Variants in DYRK1A observed in about 807,000 individuals in gnomAD.
DYRK1A encodes dual specificity tyrosine phosphorylation regulated kinase 1A, also known as dual specificity tyrosine-phosphorylation-regulated kinase 1A.
In DYRK1A, 9 loss-of-function variants were observed where a neutral mutation model predicts 79.7. The observed-to-expected ratio is 0.11, with a 90% confidence interval of 0.07 to 0.20. DYRK1A has a LOEUF of 0.20. Among genes scored for constraint, DYRK1A ranks in the 10% least tolerant of loss-of-function variants. DYRK1A has a pLI of 1.00. For missense variants in DYRK1A, 622 were observed against 956.0 expected, an observed-to-expected ratio of 0.65 and a Z score of 4.61; for synonymous variants, 349 against 329.7, an observed-to-expected ratio of 1.06 and a Z score of -0.63.
intron 1 of DYRK1A, among the ~76,000 whole-genome samples, chr21:37,384,231 T>G (rs2049715580): frequency 6.6e-6 from 1 of 152,200 alleles, no homozygotes; most frequent in Non-Finnish European, 1.5e-5. Context: ...GGAGCTATAC[T>G]GAGAAAGAGT....
At chr21:37,461,965 C>G (rs1465634652) in intron 2 of DYRK1A, among the ~76,000 whole-genome samples, 1 of 150,562 alleles carries the variant, frequency 6.6e-6, no homozygotes, top group South Asian at 2.1e-4. Flanking sequence ...GCTATTAGGT[C>G]CGTTCAGTGA....
chr21:37,440,587 A>G (rs139465783), intron 2 of DYRK1A, among the ~76,000 whole-genome samples: 2,550 of 152,212 alleles, frequency 0.017, 37 homozygotes, highest in South Asian at 0.026. Flanking sequence ...TTTTATTTTC[A>G]TTCTTTTCAG....
Position 37,519,136 on chromosome 21 carries a change from GATGTCCC to G in DYRK1A, c.*6609_*6615del, listed in dbSNP as rs1256690664. The G allele has an allele frequency of 1.3e-5, 2 of 152,172 alleles. No homozygotes were observed. Among genetic ancestry groups the G allele is most frequent in the Non-Finnish European group, 2.9e-5 (2 of 68,026 alleles). The allele number at this position is 152,172 out of a possible 1,614,324, so 9.4% of individuals were successfully genotyped here. ...ACATCCTATTCATTAATAGCTCTCA[GATGTCCC>G]ATGAGAATGGCACATGTTATTTCCC... On this transcript the variant is annotated 3_prime_UTR_variant, in exon 12 of 12. Transcript: ENST00000647188.
intron 1 of DYRK1A, among the ~76,000 whole-genome samples, chr21:37,391,938 A>G (rs1426692619): frequency 6.6e-6 from 1 of 152,204 alleles, no homozygotes; most frequent in Non-Finnish European, 1.5e-5. Context: ...GATCCTCTAA[A>G]CTAGTAAAGC....
chr21:37,398,227 C>T (rs1264777275), intron 1 of DYRK1A, among the ~76,000 whole-genome samples: 1 of 151,026 alleles, frequency 6.6e-6, no homozygotes, highest in African/African-American at 2.4e-5. Flanking sequence ...ACCTGTAATC[C>T]TAGCTACTCT....
rs1343890630 is a variant in DYRK1A, at chr21:37,518,806, T to C, written c.*6275T>C. 1 of 150,462 alleles carries C rather than the reference T, an allele frequency of 6.6e-6. No homozygotes were observed. Among genetic ancestry groups the C allele is most frequent in the Non-Finnish European group, 1.5e-5 (1 of 67,650 alleles). The allele number at this position is 150,462 out of a possible 1,614,324, so 9.3% of individuals were successfully genotyped here. On this transcript the variant is annotated 3_prime_UTR_variant, in exon 12 of 12. Coordinates refer to ENST00000647188, the MANE Select transcript of DYRK1A (RefSeq NM_001347721.2). ...AATAGTATTTTTGATAGAGAGGGGG[T>C]TTCGCAATGTTGGCCAGGCTGGTCT...
chr21:37,520,670 C>T lies in DYRK1A; in HGVS notation c.*8139C>T, dbSNP rs935978036. 1 of 152,236 alleles carries T rather than the reference C, an allele frequency of 6.6e-6. No homozygotes were observed. Among genetic ancestry groups the T allele is most frequent in the Non-Finnish European group, 1.5e-5 (1 of 68,040 alleles). 9.4% of individuals were successfully genotyped at this position (152,236 alleles called of 1,614,324 possible). On this transcript the variant is annotated 3_prime_UTR_variant, in exon 12 of 12. Transcript: ENST00000647188. Reference sequence around the variant, plus strand: ...GACCTAATCATGGGATTTAACTGTTCACTTCAGGTAGATAAGATATTTCTG... The same window carrying T: ...GACCTAATCATGGGATTTAACTGTTTACTTCAGGTAGATAAGATATTTCTG...
chr21:37,515,291 G>A lies in DYRK1A; in HGVS notation c.*2760G>A, dbSNP rs2053866341. ...CTGGTAGGTATAGTATCAAAGTTGA[G>A]TTAAATGTGTAAAAAGGAAACTATT... On this transcript the variant is annotated 3_prime_UTR_variant, in exon 12 of 12. Transcript: ENST00000647188. 6.6e-6 allele frequency: 1 copy of A among 152,592 alleles called. No homozygotes were observed. Among genetic ancestry groups the A allele is most frequent in the Non-Finnish European group, 1.5e-5 (1 of 68,036 alleles). The allele number at this position is 152,592 out of a possible 1,614,324, so 9.5% of individuals were successfully genotyped here.
intron 2 of DYRK1A, among the ~76,000 whole-genome samples, chr21:37,452,669 A>G (rs2051493442): frequency 6.6e-6 from 1 of 151,108 alleles, no homozygotes; most frequent in South Asian, 2.1e-4. Context: ...AGGGAAGGGG[A>G]GCAGGGAGAG....
At position 37,525,903 on chromosome 21, in the gene DYRK1A, C is replaced by T. The variant is rs967523745; in HGVS notation, c.*13372C>T. 3 of 152,170 alleles carry T rather than the reference C, an allele frequency of 2.0e-5. No homozygotes were observed. The highest frequency in any genetic ancestry group is 6.5e-5 in the Admixed American group (1 of 15,272). The allele number at this position is 152,170 out of a possible 1,614,324, so 9.4% of individuals were successfully genotyped here. On this transcript the variant is annotated 3_prime_UTR_variant, in exon 12 of 12. Coordinates refer to ENST00000647188, the MANE Select transcript of DYRK1A (RefSeq NM_001347721.2). Reference sequence around the variant, plus strand: ...CTGAATGAGAACTGCCCCGAACCACCGTTACTAAACACTGAATAGTTTTGG... The same window carrying T: ...CTGAATGAGAACTGCCCCGAACCACTGTTACTAAACACTGAATAGTTTTGG...
chr21:37,387,437 C>A (rs115348099), intron 1 of DYRK1A, among the ~76,000 whole-genome samples: 1 of 152,144 alleles, frequency 6.6e-6, no homozygotes, highest in Non-Finnish European at 1.5e-5. Flanking sequence ...TTTCCATTCG[C>A]TTTGTTTTCT....
rs555751812 is a variant in DYRK1A at position 37,389,049 on chromosome 21, AT to A, written c.-77+21431del. Among the ~76,000 whole-genome samples the A allele has an allele frequency of 9.4e-4, 139 of 148,540 alleles. 2 individuals carry two copies. In the East Asian group the frequency reaches 0.017, roughly 19 times the overall value. The stretch of plus-strand genomic sequence containing the variant: ...AAAAGCTTTTAAATTAAAAAAAAAA[AT>A]TTTTTTTTTAAGAGATGGAGTCTTA... On this transcript the variant is annotated intron_variant, in intron 1 of 11. Transcript: ENST00000647188.
intron 11 of DYRK1A, among the ~76,000 whole-genome samples, chr21:37,507,331 C>G (rs142864348): frequency 6.6e-6 from 1 of 152,292 alleles, no homozygotes; most frequent in Non-Finnish European, 1.5e-5. Flanking sequence ...TCTTCACTCT[C>G]TCCTCTTTTG....
Position 37,483,277 on chromosome 21 carries a change from C to T in DYRK1A, c.489+2451C>T, listed in dbSNP as rs563918023. On this transcript the variant is annotated intron_variant, in intron 5 of 11. Coordinates refer to ENST00000647188, the MANE Select transcript of DYRK1A (RefSeq NM_001347721.2). Reference sequence around the variant, plus strand: ...ATCTTCACAATCCATGTTCTTCTGCCGTGGCTTCAGCTGGTCCCTCCGTTT... The same window carrying T: ...ATCTTCACAATCCATGTTCTTCTGCTGTGGCTTCAGCTGGTCCCTCCGTTT... Among the ~76,000 whole-genome samples, 24 of 152,306 alleles carry T rather than the reference C, an allele frequency of 1.6e-4. No individual in the cohort carries two copies. The South Asian group carries it at 1.7e-3, about 11-fold the overall frequency.
intron 1 of DYRK1A, among the ~76,000 whole-genome samples, chr21:37,403,807 T>C (rs1471110449): frequency 6.6e-6 from 1 of 151,478 alleles, no homozygotes; most frequent in Non-Finnish European, 1.5e-5. Context: ...TGTTTTTTTT[T>C]TTTTCTTCTC....
At chr21:37,371,310 G>C (rs1415301386) in intron 1 of DYRK1A, among the ~76,000 whole-genome samples, 1 of 152,110 alleles carries the variant, frequency 6.6e-6, no homozygotes. Context: ...GTTAATACTG[G>C]CTACCAGCAG....
intron 1 of DYRK1A, among the ~76,000 whole-genome samples, chr21:37,405,837 C>G (rs1419885436): frequency 6.6e-6 from 1 of 152,130 alleles, no homozygotes. Flanking sequence ...GACAGCAAGC[C>G]TCACTCTACA....
At chr21:37,481,432 C>T (rs1276539518) in intron 5 of DYRK1A, 1 of 152,216 alleles carries the variant, frequency 6.6e-6, no homozygotes, top group African/African-American at 2.4e-5. Flanking sequence ...ACTCCTGTCA[C>T]CCAGGCTGGA....
upstream of DYRK1A, chr21:37,366,034 C>G (rs959268979): frequency 6.6e-6 from 1 of 152,018 alleles, no homozygotes; most frequent in African/African-American, 2.4e-5. Flanking sequence ...GTCTGGGGCG[C>G]GGCGGTGGCT....
Sources: allele counts gnomAD v4.1 joint callset (sites outside exome capture counted in the v4.1 genomes callset), GRCh38; gene constraint gnomAD v4.1.1; transcripts MANE v1.5; gene names NCBI Gene and HGNC (gene_info 2026-07-23, HGNC 2026-07-21).